Variants in UVRAG observed in about 807,000 individuals in gnomAD.
The protein encoded by UVRAG is UV radiation resistance-associated gene protein.
UVRAG carries 19 observed loss-of-function variants against 78.0 expected under a neutral mutation model. That is an observed-to-expected ratio of 0.24 (90% confidence interval 0.17 to 0.36). The LOEUF (loss-of-function observed/expected upper bound fraction) is 0.36, where lower values mean the gene tolerates loss of function less well. UVRAG is among the 10% of genes least tolerant of loss of function. The probability of loss-of-function intolerance (pLI) is 1.00; values close to 1 mark genes in which losing one functional copy is unlikely to be tolerated. For missense variants in UVRAG, 740 were observed against 853.8 expected (o/e 0.87, Z 1.66); for synonymous variants, 323 against 324.6 (o/e 1.00, Z 0.05).
intron 4 of UVRAG, among the ~76,000 whole-genome samples, chr11:75,887,122 G>T (rs1250653548): frequency 6.8e-6 from 1 of 147,796 alleles, no homozygotes; most frequent in African/African-American, 2.5e-5. Context: ...GATGTGCACT[G>T]CCACGCCCAG....
At chr11:76,085,702 C>T (rs866419508) in intron 13 of UVRAG, among the ~76,000 whole-genome samples, 1 of 152,126 alleles carries the variant, frequency 6.6e-6, no homozygotes, top group Non-Finnish European at 1.5e-5. Flanking sequence ...ATATATACAT[C>T]TGCTTGTCTG....
intron 12 of UVRAG, among the ~76,000 whole-genome samples, chr11:76,023,257 C>A (rs1950277587): frequency 6.6e-6 from 1 of 152,170 alleles, no homozygotes; most frequent in Non-Finnish European, 1.5e-5. Context: ...GCCTAGCTGT[C>A]AGCCAGAGGG....
chr11:75,932,292 T>TTG (rs1565385877), intron 6 of UVRAG, among the ~76,000 whole-genome samples: 6 of 151,368 alleles, frequency 4.0e-5, no homozygotes, highest in African/African-American at 1.2e-4. Flanking sequence ...TTTATTTATT[T>TTG]ATTTATTTAT....
At chr11:75,948,369 G>A (rs1948621493) in intron 6 of UVRAG, among the ~76,000 whole-genome samples, 1 of 152,114 alleles carries the variant, frequency 6.6e-6, no homozygotes, top group South Asian at 2.1e-4. Flanking sequence ...GCAGAACCAG[G>A]GTGCTTACAG....
chr11:76,067,758 C>CA (rs796481929), intron 13 of UVRAG, among the ~76,000 whole-genome samples: 2,389 of 139,506 alleles, frequency 0.017, 60 homozygotes, highest in African/African-American at 0.057. Flanking sequence ...GATTCTGTCT[C>CA]AAAAAAAAAA....
chr11:76,065,649 A>T, intron 12 of UVRAG, 61 bp from the exon 13 acceptor site: 2 of 1,509,320 alleles, frequency 1.3e-6, no homozygotes, highest in Non-Finnish European at 1.8e-6. Context: ...CTCTGTTGAC[A>T]ACTTGGAGGT....
At position 76,016,956 on chromosome 11, in the gene UVRAG, A is replaced by G. The variant is rs1950158012; in HGVS notation, c.1202A>G (p.Asp401Gly). The change falls in exon 12 of 15, where the codon GAC becomes GGC. Residue 401 changes from aspartate (D) to glycine (G), a missense_variant. Asp to Gly is a moderately conservative substitution (Grantham distance 94). Coordinates refer to ENST00000356136, the MANE Select transcript of UVRAG (RefSeq NM_003369.4). Reference protein sequence around the residue: ...SRSTIKDNINDKLTEKEREFP... With the variant: ...SRSTIKDNINGKLTEKEREFP... ...TCAACAATCAAAGACAATATCAATG[A>G]CAAACTGACGGAAAAGGAGAGAGAG... is the stretch of plus-strand genomic sequence containing the variant. 2 of 1,605,410 alleles carry G rather than the reference A, an allele frequency of 1.2e-6. No individual in the cohort carries two copies. The highest frequency in any genetic ancestry group is 2.7e-5 in the African/African-American group (2 of 74,774).
intron 12 of UVRAG, among the ~76,000 whole-genome samples, chr11:76,061,414 C>T (rs572601712): frequency 1.3e-5 from 2 of 152,126 alleles, no homozygotes; most frequent in African/African-American, 2.4e-5. Flanking sequence ...AGTGGCAACC[C>T]GCTGGGGTCC....
chr11:75,920,183 G>A (rs1947950731), intron 6 of UVRAG, among the ~76,000 whole-genome samples: 1 of 151,510 alleles, frequency 6.6e-6, no homozygotes, highest in Non-Finnish European at 1.5e-5. Flanking sequence ...GTGCCACCAC[G>A]CCTGGCTAAT....
intron 4 of UVRAG, among the ~76,000 whole-genome samples, chr11:75,882,913 C>G (rs185808677): frequency 2.7e-4 from 41 of 152,224 alleles, no homozygotes; most frequent in African/African-American, 9.6e-4. Flanking sequence ...ATTTTTTTCT[C>G]TGTTTTAGGG....
At chr11:76,041,914 T>C (rs1385097280) in intron 12 of UVRAG, among the ~76,000 whole-genome samples, 1 of 152,236 alleles carries the variant, frequency 6.6e-6, no homozygotes, top group East Asian at 1.9e-4. Flanking sequence ...ATTAATGATA[T>C]TATTATCTAC....
chr11:75,906,533 G>T (rs1339862378), intron 5 of UVRAG, among the ~76,000 whole-genome samples: 1 of 151,776 alleles, frequency 6.6e-6, no homozygotes, highest in Non-Finnish European at 1.5e-5. Context: ...TTTTTAGGAG[G>T]TACCAGGTTT....
intron 5 of UVRAG, among the ~76,000 whole-genome samples, chr11:75,891,119 G>C (rs912284774): frequency 1.3e-5 from 2 of 152,098 alleles, no homozygotes; most frequent in African/African-American, 4.8e-5. Context: ...CCTCTTCTAA[G>C]TTCCTATATC....
intron 13 of UVRAG, among the ~76,000 whole-genome samples, chr11:76,079,843 A>T (rs537433638): frequency 6.6e-6 from 1 of 152,240 alleles, no homozygotes; most frequent in Non-Finnish European, 1.5e-5. Context: ...AACTGAAAAT[A>T]GTTATCTGGG....
intron 12 of UVRAG, among the ~76,000 whole-genome samples, chr11:76,020,315 G>A (rs1378406191): frequency 6.6e-6 from 1 of 152,026 alleles, no homozygotes; most frequent in Non-Finnish European, 1.5e-5. Context: ...AGCCCATTTG[G>A]TGCTCTACTC....
chr11:75,956,427 C>G (rs1344181501), intron 6 of UVRAG, among the ~76,000 whole-genome samples: 1 of 147,534 alleles, frequency 6.8e-6, no homozygotes, highest in African/African-American at 2.6e-5. Context: ...TGCTCTGTCG[C>G]CAGGCTGGAG....
At chr11:75,859,074 A>G (rs1004959471) in intron 2 of UVRAG, among the ~76,000 whole-genome samples, 2 of 152,162 alleles carry the variant, frequency 1.3e-5, no homozygotes, top group Non-Finnish European at 2.9e-5. Flanking sequence ...GTCTTGAATG[A>G]TATCTTTTTG....
At chr11:75,847,091 C>G (rs1946050670) in intron 1 of UVRAG, among the ~76,000 whole-genome samples, 1 of 152,096 alleles carries the variant, frequency 6.6e-6, no homozygotes, top group African/African-American at 2.4e-5. Context: ...TCCCAAAATG[C>G]TGGGATTACA....
At chr11:76,030,750 C>T (rs1950421135) in intron 12 of UVRAG, among the ~76,000 whole-genome samples, 1 of 152,148 alleles carries the variant, frequency 6.6e-6, no homozygotes. Context: ...TGAAGCCCTC[C>T]CTTATTATCA....
Sources: allele counts gnomAD v4.1 joint callset (sites outside exome capture counted in the v4.1 genomes callset), GRCh38; gene constraint gnomAD v4.1.1; transcripts MANE v1.5; gene names NCBI Gene and HGNC (gene_info 2026-07-23, HGNC 2026-07-21).